Variants in RBFOX3 observed in about 807,000 individuals in gnomAD.
RBFOX3 encodes the protein RNA binding fox-1 homolog 3.
A neutral mutation model predicts 48.7 loss-of-function variants in RBFOX3; 17 were observed. That is an observed-to-expected ratio of 0.35 (90% CI 0.24 to 0.52). RBFOX3 has a LOEUF of 0.52. RBFOX3 is among the 20% of genes least tolerant of loss of function. The pLI, the probability that RBFOX3 is intolerant of heterozygous loss-of-function variation, is 0.94. For synonymous variants in RBFOX3, 212 were observed against 209.5 expected, an observed-to-expected ratio of 1.01 and a Z score of -0.10; for missense variants, 382 against 497.5, an observed-to-expected ratio of 0.77 and a Z score of 2.21.
intron 2 of RBFOX3, among the ~76,000 whole-genome samples, chr17:79,328,706 C>T (rs1044467366): frequency 6.6e-6 from 1 of 152,090 alleles, no homozygotes; most frequent in Non-Finnish European, 1.5e-5. Flanking sequence ...GGCAACAGAG[C>T]GATGGAAGGG....
At chr17:79,419,393 C>A (rs1353229425) in intron 2 of RBFOX3, among the ~76,000 whole-genome samples, 1 of 152,204 alleles carries the variant, frequency 6.6e-6, no homozygotes, top group Non-Finnish European at 1.5e-5. Flanking sequence ...CCAAGACCTA[C>A]GTCTTGGCAG....
chr17:79,259,434 G>A (rs914697559), intron 3 of RBFOX3, among the ~76,000 whole-genome samples: 4 of 152,222 alleles, frequency 2.6e-5, no homozygotes, highest in African/African-American at 9.6e-5. Context: ...GGTGAGGGCA[G>A]GGGCAGGAGG....
intron 2 of RBFOX3, among the ~76,000 whole-genome samples, chr17:79,401,159 G>A (rs1007817781): frequency 2.6e-5 from 4 of 152,210 alleles, no homozygotes; most frequent in African/African-American, 9.7e-5. Flanking sequence ...GTTCGGCAGG[G>A]GAGATCAATT....
chr17:79,634,529 A>T, the RBFOX3 span, among the ~76,000 whole-genome samples: 3 of 151,942 alleles, frequency 2.0e-5, no homozygotes, highest in African/African-American at 7.3e-5. Flanking sequence ...GTTCCCATAG[A>T]CCCGCAAATG....
the RBFOX3 span, among the ~76,000 whole-genome samples, chr17:79,637,473 C>A: frequency 1.3e-5 from 2 of 151,938 alleles, no homozygotes; most frequent in East Asian, 3.9e-4. Context: ...GGGGGTGGAT[C>A]ACCTGAGGTC....
chr17:79,105,240 C>T (rs548745505), intron 6 of RBFOX3, among the ~76,000 whole-genome samples: 3 of 152,336 alleles, frequency 2.0e-5, no homozygotes, highest in African/African-American at 7.2e-5. Flanking sequence ...CAGTAACCTC[C>T]GTTCTGCAGG....
chr17:79,416,216 G>A lies in RBFOX3; in HGVS notation c.-175+66238C>T, dbSNP rs113658953. On this transcript the variant is annotated intron_variant, in intron 2 of 14. Coordinates refer to ENST00000693108, the MANE Select transcript of RBFOX3 (RefSeq NM_001350451.2). Reference sequence around the variant, plus strand: ...CCAAAGGACAGCTGGAATCCTCCCCGGGAGCAGCTGGAATCACCTGCAACC... The same window carrying A: ...CCAAAGGACAGCTGGAATCCTCCCCAGGAGCAGCTGGAATCACCTGCAACC... Among the ~76,000 whole-genome samples, 96 of 152,288 alleles carry A rather than the reference G, an allele frequency of 6.3e-4. 1 individual carries two copies. Among genetic ancestry groups the A allele is most frequent in the African/African-American group, 2.1e-3 (86 of 41,550 alleles).
intron 1 of RBFOX3, among the ~76,000 whole-genome samples, chr17:79,520,049 C>A (rs2085840599): frequency 1.3e-5 from 2 of 152,202 alleles, no homozygotes; most frequent in Admixed American, 1.3e-4. Flanking sequence ...TGAAAGTCAC[C>A]AAGCCAGGTC....
At chr17:79,470,617 C>T (rs2076946815) in intron 2 of RBFOX3, among the ~76,000 whole-genome samples, 2 of 152,180 alleles carry the variant, frequency 1.3e-5, no homozygotes, top group Admixed American at 1.3e-4. Flanking sequence ...CAAGGGTGTG[C>T]AGAGGTGAGA....
intron 1 of RBFOX3, among the ~76,000 whole-genome samples, chr17:79,496,520 T>C (rs1425431436): frequency 1.3e-5 from 2 of 152,190 alleles, no homozygotes; most frequent in Non-Finnish European, 2.9e-5. Context: ...TTCAAGAGAA[T>C]TCCCCAGATA....
chr17:79,300,075 T>G (rs2075072797), intron 3 of RBFOX3, among the ~76,000 whole-genome samples: 1 of 152,160 alleles, frequency 6.6e-6, no homozygotes, highest in African/African-American at 2.4e-5. Context: ...CCCTAACTTT[T>G]GTATTTTTAG....
the RBFOX3 span, among the ~76,000 whole-genome samples, chr17:79,625,144 CCCTCCT>C: frequency 6.6e-6 from 1 of 151,922 alleles, no homozygotes; most frequent in African/African-American, 2.4e-5. Flanking sequence ...CCCTGATGTG[CCCTCCT>C]CCTCCTCCTC....
chr17:79,280,094 C>A (rs2069903253), intron 3 of RBFOX3, among the ~76,000 whole-genome samples: 1 of 149,326 alleles, frequency 6.7e-6, no homozygotes, highest in Admixed American at 6.7e-5. Flanking sequence ...ACAGAAGGCA[C>A]AGCATGCACA....
chr17:79,563,493 T>C (rs888475477), intron 1 of RBFOX3, among the ~76,000 whole-genome samples: 16 of 152,268 alleles, frequency 1.1e-4, no homozygotes, highest in African/African-American at 3.1e-4. Flanking sequence ...TTTGATTTCA[T>C]GGCATGATTT....
At chr17:79,441,986 G>A (rs1306328150) in intron 2 of RBFOX3, among the ~76,000 whole-genome samples, 1 of 151,814 alleles carries the variant, frequency 6.6e-6, no homozygotes, top group Non-Finnish European at 1.5e-5. Context: ...CAGGTCCCCT[G>A]AGGAGCCACT....
chr17:79,271,088 T>TTC (rs2067602444), intron 3 of RBFOX3, among the ~76,000 whole-genome samples: 2 of 152,182 alleles, frequency 1.3e-5, no homozygotes, highest in South Asian at 2.1e-4. Context: ...TTTTTTTTTT[T>TTC]TTTTGAGACG....
At chr17:79,150,477 C>G (rs2044174976) in intron 4 of RBFOX3, among the ~76,000 whole-genome samples, 2 of 152,170 alleles carry the variant, frequency 1.3e-5, no homozygotes, top group African/African-American at 4.8e-5. Flanking sequence ...CAACCTCACC[C>G]TGGTCCCGCC....
In RBFOX3 at chr17:79,362,378, C is replaced by T. The variant is rs979943408; in HGVS notation, c.-174-54554G>A. On this transcript the variant is annotated intron_variant, in intron 2 of 14. Coordinates refer to ENST00000693108, the MANE Select transcript of RBFOX3 (RefSeq NM_001350451.2). The surrounding 1 kb of genome is among the most constrained non-coding windows in gnomAD (Gnocchi z 4.2). ...GGACGGTGGGAGAGGCTGAGTGCAG[C>T]GTCTTTCAGAGCCAAACAGAGCCCC... Among the ~76,000 whole-genome samples, 1 of 151,978 alleles carries T rather than the reference C, an allele frequency of 6.6e-6. No homozygotes were observed. The highest frequency in any genetic ancestry group is 2.4e-5 in the African/African-American group (1 of 41,356).
At chr17:79,515,154 A>G (rs782323532) in intron 1 of RBFOX3, among the ~76,000 whole-genome samples, 26,714 of 152,232 alleles carry the variant, frequency 0.18, 6,552 homozygotes, top group African/African-American at 0.55. Flanking sequence ...AGAAGGGCAG[A>G]AGACCCTTTC....
Sources: allele counts gnomAD v4.1 joint callset (sites outside exome capture counted in the v4.1 genomes callset), GRCh38; gene constraint gnomAD v4.1.1; non-coding constraint Gnocchi (gnomAD v3.1); transcripts MANE v1.5; gene names NCBI Gene and HGNC (gene_info 2026-07-23, HGNC 2026-07-21).